The following APBA1 variants were observed in gnomAD, a reference collection of about 807,000 sequenced individuals.
The protein encoded by APBA1 is amyloid-beta A4 precursor protein-binding family A member 1.
Under a neutral mutation model 86.6 loss-of-function variants are expected in APBA1, and 55 were observed. The ratio of observed to expected loss-of-function variants is 0.64; its 90% CI spans 0.51 to 0.80. The LOEUF is 0.80. Among genes scored for constraint, APBA1 ranks in the 30% least tolerant of loss-of-function variants. The pLI, the probability that APBA1 is intolerant of heterozygous loss-of-function variation, is 0.00. For missense variants in APBA1, 1,090 were observed against 1,183.0 expected, an observed-to-expected ratio of 0.92 and a Z score of 1.15; for synonymous variants, 511 against 493.9, an observed-to-expected ratio of 1.03 and a Z score of -0.46.
chr9:69,441,019 C>T lies in APBA1; in HGVS notation c.2278G>A (p.Gly760Ser), dbSNP rs781030122. Reference sequence around the variant, plus strand: ...ACAATTCCATTCTGGACGCTGAAACCGAGCTGGTAGCGAAGGTCTGGTCTT... The same window carrying T: ...ACAATTCCATTCTGGACGCTGAAACTGAGCTGGTAGCGAAGGTCTGGTCTT... ...IRRPDLRYQL[G>S]FSVQNGIICS... The change falls in exon 11 of 13, where the codon GGT (glycine) becomes AGT (serine). Residue 760 changes from glycine (G) to serine (S), a missense_variant. Physicochemically the swap from Gly to Ser is moderately conservative, Grantham distance 56. This residue lies in a region of APBA1 where 119 missense variants were observed against 124.8 expected (regional missense o/e 0.95). Coordinates refer to ENST00000265381, the MANE Select transcript of APBA1 (RefSeq NM_001163.4). 18 of 1,613,830 alleles carry T rather than the reference C, an allele frequency of 1.1e-5. No homozygotes were observed. The highest frequency in any genetic ancestry group is 1.6e-4 in the Middle Eastern group (1 of 6,082).
intron 1 of APBA1, among the ~76,000 whole-genome samples, chr9:69,559,337 G>A (rs1055909569): frequency 2.6e-5 from 4 of 152,152 alleles, no homozygotes; most frequent in Non-Finnish European, 5.9e-5. Context: ...AAGCACCCAT[G>A]CAAATACCAT....
At chr9:69,452,393 T>C (rs1310533423) in intron 8 of APBA1, 92 bp from the exon 9 acceptor site, 4 of 1,309,402 alleles carry the variant, frequency 3.1e-6, no homozygotes, top group Non-Finnish European at 4.3e-6. Context: ...ATGGCCCTCC[T>C]GGAGTCTGAG....
At chr9:69,633,210 C>A (rs185061109) in intron 1 of APBA1, among the ~76,000 whole-genome samples, 7 of 152,034 alleles carry the variant, frequency 4.6e-5, no homozygotes. Flanking sequence ...CCCACTGTTG[C>A]AAACCTCAGG....
intron 2 of APBA1, among the ~76,000 whole-genome samples, chr9:69,498,882 C>T (rs1835839963): frequency 6.6e-6 from 1 of 152,140 alleles, no homozygotes; most frequent in African/African-American, 2.4e-5. Flanking sequence ...GCTATGACAG[C>T]TCAGCTTAAT....
At chr9:69,652,982 G>A (rs1450481026) in intron 1 of APBA1, among the ~76,000 whole-genome samples, 1 of 150,524 alleles carries the variant, frequency 6.6e-6, no homozygotes, top group Non-Finnish European at 1.5e-5. Flanking sequence ...GGGTGACAGA[G>A]TGAGACTCCA....
At chr9:69,659,035 C>T (rs1823700473) in intron 1 of APBA1, among the ~76,000 whole-genome samples, 1 of 152,150 alleles carries the variant, frequency 6.6e-6, no homozygotes, top group Non-Finnish European at 1.5e-5. Flanking sequence ...CTTCCCTTCC[C>T]AGTTTTTCCT....
intron 8 of APBA1, among the ~76,000 whole-genome samples, chr9:69,454,753 G>A (rs932361715): frequency 6.6e-6 from 1 of 152,084 alleles, no homozygotes; most frequent in Non-Finnish European, 1.5e-5. Flanking sequence ...GGTAGCAGCG[G>A]GGCCTACAGG....
At chr9:69,599,400 C>G (rs1375589238) in intron 1 of APBA1, among the ~76,000 whole-genome samples, 1 of 152,174 alleles carries the variant, frequency 6.6e-6, no homozygotes, top group Non-Finnish European at 1.5e-5. Flanking sequence ...CCCTCTGGGT[C>G]CTCAATGGGA....
At chr9:69,485,545 C>G (rs1350982618) in intron 2 of APBA1, among the ~76,000 whole-genome samples, 1 of 144,354 alleles carries the variant, frequency 6.9e-6, no homozygotes, top group East Asian at 2.1e-4. Context: ...CTCACGCCTT[C>G]TGGGCTACTG....
rs145277697 is a variant in APBA1 at position 69,430,749 on chromosome 9, C to T, written c.*578G>A. On this transcript the variant is annotated 3_prime_UTR_variant, in exon 13 of 13. Coordinates refer to ENST00000265381, the MANE Select transcript of APBA1 (RefSeq NM_001163.4). ...AGGCTCGTATTAGAAAACACACATA[C>T]GTTGAAATTAGAACTAGCAATAGAA... is the stretch of plus-strand genomic sequence containing the variant. The T allele has an allele frequency of 1.3e-5, 2 of 152,460 alleles. No homozygotes were observed. Among genetic ancestry groups the T allele is most frequent in the African/African-American group, 2.4e-5 (1 of 41,396 alleles). 9.4% of individuals were successfully genotyped at this position (152,460 alleles called of 1,614,324 possible).
chr9:69,633,794 A>C lies in APBA1; in HGVS notation c.-70+38359T>G, dbSNP rs373925376. Reference sequence around the variant, plus strand: ...CATCCTGAAGTTCTCCCTGTTAGCAACCAAGCCACAGATAATACTCAATGC... The same window carrying C: ...CATCCTGAAGTTCTCCCTGTTAGCACCCAAGCCACAGATAATACTCAATGC... On this transcript the variant is annotated intron_variant, in intron 1 of 12. Transcript: ENST00000265381. 2.6e-5 allele frequency among the ~76,000 whole-genome samples: 4 copies of C among 152,290 alleles called. No homozygotes were observed. The South Asian group carries it at 6.2e-4, about 24-fold the overall frequency.
At chr9:69,626,670 ATTTACTC>A (rs552051928) in intron 1 of APBA1, among the ~76,000 whole-genome samples, 2 of 152,280 alleles carry the variant, frequency 1.3e-5, no homozygotes, top group East Asian at 3.9e-4. Flanking sequence ...ATTTATATAA[ATTTACTC>A]TTTAAGACTT....
At chr9:69,572,930 T>C (rs938637981) in intron 1 of APBA1, among the ~76,000 whole-genome samples, 1 of 152,232 alleles carries the variant, frequency 6.6e-6, no homozygotes, top group Non-Finnish European at 1.5e-5. Flanking sequence ...TTCTTTCCTA[T>C]GCAGTCCCTT....
At chr9:69,641,373 G>C (rs1412800185) in intron 1 of APBA1, among the ~76,000 whole-genome samples, 1 of 152,096 alleles carries the variant, frequency 6.6e-6, no homozygotes, top group East Asian at 1.9e-4. Context: ...CAAAATCCCA[G>C]CAGACTTCTC....
intron 4 of APBA1, among the ~76,000 whole-genome samples, chr9:69,468,276 C>T (rs570103194): frequency 6.6e-6 from 1 of 152,342 alleles, no homozygotes; most frequent in South Asian, 2.1e-4. Flanking sequence ...ACTGTGAGCT[C>T]TTAGGGGACA....
chr9:69,470,223 A>C (rs574724385), intron 4 of APBA1, among the ~76,000 whole-genome samples: 3 of 152,366 alleles, frequency 2.0e-5, no homozygotes, highest in South Asian at 2.1e-4. Flanking sequence ...CCCCAATTTC[A>C]TAAGTTCACT....
intron 1 of APBA1, among the ~76,000 whole-genome samples, chr9:69,555,846 A>G (rs1836852176): frequency 6.6e-6 from 1 of 152,292 alleles, no homozygotes; most frequent in East Asian, 1.9e-4. Context: ...TCCTCTGCTC[A>G]TTTATCCATT....
At chr9:69,492,030 G>A (rs1015340790) in intron 2 of APBA1, among the ~76,000 whole-genome samples, 5 of 152,082 alleles carry the variant, frequency 3.3e-5, no homozygotes, top group Non-Finnish European at 7.4e-5. Flanking sequence ...CTCCCATAGT[G>A]CTGGGATTAC....
chr9:69,567,471 C>T (rs1008660777), intron 1 of APBA1, among the ~76,000 whole-genome samples: 6 of 151,908 alleles, frequency 3.9e-5, no homozygotes, highest in African/African-American at 1.2e-4. Context: ...ATGTCCACAA[C>T]GTGCAGGTTT....
Sources: gnomAD v4.1 joint callset for allele counts (sites outside exome capture counted in the v4.1 genomes callset) on GRCh38, gnomAD v4.1.1 for gene constraint, gnomAD v4.1.1 regional missense constraint, MANE v1.5 for transcripts, NCBI Gene and HGNC (gene_info 2026-07-23, HGNC 2026-07-21) for gene names.